Variants in SOCS5 observed in about 807,000 individuals in gnomAD.
SOCS5 encodes the protein CIS-6.
Under a neutral mutation model 42.8 loss-of-function variants are expected in SOCS5, and 32 were observed. The observed-to-expected ratio is 0.75, with a 90% CI of 0.56 to 1.01. The LOEUF (loss-of-function observed/expected upper bound fraction) is 1.01. Among genes scored for constraint, SOCS5 ranks in the 50% least tolerant of loss-of-function variants. SOCS5 has a pLI of 0.00. For missense variants in SOCS5, 627 were observed against 653.0 expected, an observed-to-expected ratio of 0.96 and a Z score of 0.43; for synonymous variants, 283 against 229.6, an observed-to-expected ratio of 1.23 and a Z score of -2.10.
chr2:46,702,329 G>A (rs1373071232), intron 1 of SOCS5, among the ~76,000 whole-genome samples: 1 of 152,184 alleles, frequency 6.6e-6, no homozygotes, highest in Non-Finnish European at 1.5e-5. Context: ...TGGTACAAAT[G>A]ATGCTCTGAT....
intron 1 of SOCS5, among the ~76,000 whole-genome samples, chr2:46,719,923 T>G (rs1040529084): frequency 3.9e-5 from 6 of 152,126 alleles, no homozygotes; most frequent in African/African-American, 1.4e-4. Context: ...CTAAACAGAT[T>G]TATGGAAAAC....
intron 1 of SOCS5, among the ~76,000 whole-genome samples, chr2:46,733,533 A>G (rs1673173935): frequency 6.7e-6 from 1 of 149,896 alleles, no homozygotes; most frequent in African/African-American, 2.5e-5. Flanking sequence ...GGATTGCACC[A>G]GCCTAGGTGA....
intron 1 of SOCS5, among the ~76,000 whole-genome samples, chr2:46,710,928 G>A (rs1313296783): frequency 6.6e-6 from 1 of 152,116 alleles, no homozygotes; most frequent in Non-Finnish European, 1.5e-5. Flanking sequence ...TTTTATAAAT[G>A]GAGTCATGCA....
At chr2:46,744,275 C>T (rs1673450122) in intron 1 of SOCS5, among the ~76,000 whole-genome samples, 1 of 152,178 alleles carries the variant, frequency 6.6e-6, no homozygotes, top group Non-Finnish European at 1.5e-5. Flanking sequence ...CAGGCATGAG[C>T]CACCACACCC....
chr2:46,710,511 A>G (rs772229380), intron 1 of SOCS5, among the ~76,000 whole-genome samples: 3 of 152,190 alleles, frequency 2.0e-5, no homozygotes, highest in African/African-American at 7.2e-5. Context: ...TATTAAGTGT[A>G]TGTACAGTTG....
At chr2:46,706,820 A>G (rs1326416646) in intron 1 of SOCS5, among the ~76,000 whole-genome samples, 1 of 152,152 alleles carries the variant, frequency 6.6e-6, no homozygotes, top group Non-Finnish European at 1.5e-5. Context: ...GGGGTTGTGG[A>G]TTGCAGGCAG....
chr2:46,743,742 T>G (rs1673429501), intron 1 of SOCS5, among the ~76,000 whole-genome samples: 4 of 152,174 alleles, frequency 2.6e-5, no homozygotes, highest in Non-Finnish European at 5.9e-5. Context: ...AGTATAATGA[T>G]AATTGATTAA....
chr2:46,745,310 G>A (rs1673473788), intron 1 of SOCS5, among the ~76,000 whole-genome samples: 1 of 152,148 alleles, frequency 6.6e-6, no homozygotes, highest in African/African-American at 2.4e-5. Flanking sequence ...CTGTGTAGAA[G>A]TTCTTTTAGG....
At chr2:46,715,882 C>G (rs1396364028) in intron 1 of SOCS5, among the ~76,000 whole-genome samples, 1 of 151,878 alleles carries the variant, frequency 6.6e-6, no homozygotes, top group East Asian at 1.9e-4. Context: ...TTTTTCTTCT[C>G]AGGTGTCTTT....
chr2:46,762,485 A>C lies in SOCS5; in HGVS notation c.*2344A>C, dbSNP rs1361230074. 2 of 166,232 alleles carry C rather than the reference A, an allele frequency of 1.2e-5. No individual in the cohort carries two copies. The highest frequency in any genetic ancestry group is 4.8e-5 in the African/African-American group (2 of 41,462). 10.3% of individuals were successfully genotyped at this position (166,232 alleles called of 1,614,324 possible). A position where few individuals can be genotyped will look rare whatever the true frequency, so the allele number is the denominator to read the frequency against. ...TGCTTTTATGTATTTCAAAACTTTC[A>C]TATGTTAAATGGAAATTGTTTTAAA... On this transcript the variant is annotated 3_prime_UTR_variant, in exon 2 of 2. Transcript: ENST00000394861.
intron 1 of SOCS5, among the ~76,000 whole-genome samples, chr2:46,744,817 C>G (rs183112372): frequency 6.6e-6 from 1 of 151,578 alleles, no homozygotes; most frequent in Non-Finnish European, 1.5e-5. Flanking sequence ...CGTGAGCCAC[C>G]GCGCCCGGCT....
At chr2:46,729,340 A>AT (rs143248272) in intron 1 of SOCS5, among the ~76,000 whole-genome samples, 18,605 of 152,252 alleles carry the variant, frequency 0.12, 1,271 homozygotes, top group Non-Finnish European at 0.15. Context: ...AAGTAGCCAT[A>AT]GTTGCTTAAC....
rs1281997330 is a variant in SOCS5 at position 46,761,698 on chromosome 2, T to A, written c.*1557T>A. 6.0e-6 allele frequency: 1 copy of A among 166,794 alleles called. No individual in the cohort carries two copies. Among genetic ancestry groups the A allele is most frequent in the East Asian group, 1.9e-4 (1 of 5,208 alleles). The allele number at this position is 166,794 out of a possible 1,614,324, so 10.3% of individuals were successfully genotyped here. On this transcript the variant is annotated 3_prime_UTR_variant, in exon 2 of 2. Transcript: ENST00000394861. ...TTTAAATAAGCATTAACTAACAACC[T>A]TTCTATAGTTAATGCAGAGTTAATG...
At chr2:46,748,916 G>A (rs1453303272) in intron 1 of SOCS5, among the ~76,000 whole-genome samples, 2 of 152,170 alleles carry the variant, frequency 1.3e-5, no homozygotes, top group Non-Finnish European at 2.9e-5. Flanking sequence ...TGAGCTCACT[G>A]TTAAGTAGTT....
chr2:46,719,695 C>T (rs1460672023), intron 1 of SOCS5, among the ~76,000 whole-genome samples: 1 of 152,048 alleles, frequency 6.6e-6, no homozygotes, highest in Non-Finnish European at 1.5e-5. Flanking sequence ...ACATATTTTG[C>T]TATATATAGA....
intron 1 of SOCS5, among the ~76,000 whole-genome samples, chr2:46,747,956 C>T (rs181210091): frequency 5.7e-4 from 87 of 152,194 alleles, no homozygotes; most frequent in African/African-American, 1.9e-3. Context: ...TCTTGATTGT[C>T]CTATTTCTAA....
chr2:46,737,435 C>G (rs1673278255), intron 1 of SOCS5, among the ~76,000 whole-genome samples: 1 of 152,124 alleles, frequency 6.6e-6, no homozygotes, highest in Admixed American at 6.6e-5. Context: ...AAAATTAACT[C>G]CATTCCTACT....
intron 1 of SOCS5, among the ~76,000 whole-genome samples, chr2:46,716,804 G>C (rs1027946339): frequency 1.3e-5 from 2 of 152,168 alleles, no homozygotes; most frequent in Non-Finnish European, 2.9e-5. Context: ...GAACTTTCAA[G>C]TTTTGTTTTC....
chr2:46,701,016 G>C (rs1257633321), intron 1 of SOCS5, among the ~76,000 whole-genome samples: 2 of 152,148 alleles, frequency 1.3e-5, no homozygotes, highest in Non-Finnish European at 2.9e-5. Context: ...AATATTTTCA[G>C]TTGGCACCTT....
Sources: gnomAD v4.1 joint callset for allele counts (sites outside exome capture counted in the v4.1 genomes callset) on GRCh38, gnomAD v4.1.1 for gene constraint, MANE v1.5 for transcripts, NCBI Gene and HGNC (gene_info 2026-07-23, HGNC 2026-07-21) for gene names.